The following KLF12 variants were observed in gnomAD, a reference collection of about 807,000 sequenced individuals.
The protein encoded by KLF12 is Krueppel-like factor 12.
In KLF12, 9 loss-of-function variants were observed where a neutral mutation model predicts 37.8. The observed-to-expected ratio is 0.24, with a 90% CI of 0.14 to 0.42. The LOEUF (loss-of-function observed/expected upper bound fraction) is 0.42, where lower values mean the gene tolerates loss of function less well. Ranked by LOEUF, KLF12 falls within the 10% of genes least tolerant of loss-of-function variation. KLF12 has a pLI of 1.00. For synonymous variants in KLF12, 208 were observed against 202.1 expected (o/e 1.03, Z -0.25); for missense variants, 411 against 516.0 (o/e 0.80, Z 1.97).
intron 7 of KLF12, among the ~76,000 whole-genome samples, chr13:73,709,342 A>T (rs1875187366): frequency 6.6e-6 from 1 of 152,190 alleles, no homozygotes; most frequent in Non-Finnish European, 1.5e-5. Context: ...CCCCTCCCAT[A>T]GCGTGCATGG....
chr13:74,214,802 A>G, the KLF12 span, among the ~76,000 whole-genome samples: 18 of 148,736 alleles, frequency 1.2e-4, no homozygotes, highest in East Asian at 2.4e-3. Context: ...TCCTTTAACC[A>G]TTTTTTTTTT....
chr13:74,057,352 C>T (rs943129273), intron 1 of KLF12, among the ~76,000 whole-genome samples: 2 of 152,202 alleles, frequency 1.3e-5, no homozygotes, highest in African/African-American at 2.4e-5. Flanking sequence ...GAAACCTCCA[C>T]CCCATCCCCA....
At position 73,819,969 on chromosome 13, in the gene KLF12, G is replaced by C. The variant is rs191164274; in HGVS notation, c.671-6682C>G. 3.6e-4 allele frequency among the ~76,000 whole-genome samples: 55 copies of C among 152,286 alleles called. 1 individual carries two copies. The highest frequency in any genetic ancestry group is 1.3e-3 in the African/African-American group (55 of 41,566). ...AAGCTGTGGCTGGAACCAATACAGG[G>C]AACTGGATGAGGACAGAGAGAGGAG... On this transcript the variant is annotated intron_variant, in intron 4 of 7. Transcript: ENST00000377669.
At chr13:73,772,736 C>T (rs898788878) in intron 5 of KLF12, among the ~76,000 whole-genome samples, 4 of 152,078 alleles carry the variant, frequency 2.6e-5, no homozygotes, top group South Asian at 2.1e-4. Context: ...CTGGCACAGT[C>T]GGATTTGTAT....
intron 3 of KLF12, among the ~76,000 whole-genome samples, chr13:73,887,731 A>T: frequency 6.6e-6 from 1 of 152,054 alleles, no homozygotes; most frequent in Non-Finnish European, 1.5e-5. Context: ...TTTACAAAAA[A>T]AACACACAAA....
chr13:74,191,366 A>G, the KLF12 span, among the ~76,000 whole-genome samples: 1 of 152,214 alleles, frequency 6.6e-6, no homozygotes, highest in African/African-American at 2.4e-5. Flanking sequence ...TAGCATCATA[A>G]GAATATAAAT....
chr13:74,123,475 T>C (rs1877757394), intron 1 of KLF12, among the ~76,000 whole-genome samples: 1 of 152,236 alleles, frequency 6.6e-6, no homozygotes, highest in Admixed American at 6.5e-5. Context: ...TTGATCTGCC[T>C]ACATTGTAGG....
At chr13:73,726,702 T>A (rs1469633513) in intron 6 of KLF12, among the ~76,000 whole-genome samples, 2 of 152,228 alleles carry the variant, frequency 1.3e-5, no homozygotes, top group African/African-American at 4.8e-5. Context: ...TGATGGACAT[T>A]TGGGTTGATT....
chr13:74,021,585 C>CT (rs897317330), intron 1 of KLF12, among the ~76,000 whole-genome samples: 28 of 152,106 alleles, frequency 1.8e-4, no homozygotes, highest in Non-Finnish European at 2.4e-4. Flanking sequence ...GCACACATCT[C>CT]TTTACAACCC....
chr13:74,042,859 C>T (rs142181823), intron 1 of KLF12, among the ~76,000 whole-genome samples: 8 of 152,292 alleles, frequency 5.3e-5, no homozygotes, highest in African/African-American at 1.9e-4. Flanking sequence ...ACAGACAGCA[C>T]AGTGAATCTC....
the KLF12 span, among the ~76,000 whole-genome samples, chr13:74,179,094 A>G: frequency 6.6e-6 from 1 of 152,170 alleles, no homozygotes. Flanking sequence ...TCCTTTGTGC[A>G]TGGTCCAAAT....
chr13:74,069,119 T>C (rs938844127), intron 1 of KLF12, among the ~76,000 whole-genome samples: 4 of 152,166 alleles, frequency 2.6e-5, no homozygotes, highest in Admixed American at 1.3e-4. Context: ...ATACTAAGCA[T>C]TGTAAGCAAA....
intron 1 of KLF12, among the ~76,000 whole-genome samples, chr13:74,052,881 C>G (rs146007054): frequency 1.3e-5 from 2 of 152,100 alleles, no homozygotes; most frequent in African/African-American, 4.8e-5. Context: ...CACTCCCTGG[C>G]TAGTAGGGTT....
At chr13:73,850,074 T>C (rs73216777) in intron 3 of KLF12, among the ~76,000 whole-genome samples, 31,709 of 152,078 alleles carry the variant, frequency 0.21, 4,112 homozygotes, top group East Asian at 0.42. Flanking sequence ...TATTAAATAA[T>C]TGCACAAATA....
chr13:73,712,325 C>T (rs911246864), intron 7 of KLF12, among the ~76,000 whole-genome samples: 5 of 120,346 alleles, frequency 4.2e-5, no homozygotes, highest in African/African-American at 1.7e-4. Context: ...GTAACAAGAG[C>T]GAAACTCCAT....
the KLF12 span, among the ~76,000 whole-genome samples, chr13:74,165,625 C>T: frequency 1.3e-5 from 2 of 152,078 alleles, no homozygotes; most frequent in African/African-American, 2.4e-5. Context: ...GCACTTGTTC[C>T]GTGGTTGCAA....
chr13:73,967,225 G>A (rs1891193816), intron 2 of KLF12, among the ~76,000 whole-genome samples: 1 of 152,144 alleles, frequency 6.6e-6, no homozygotes, highest in Non-Finnish European at 1.5e-5. Flanking sequence ...GTTTAACCAA[G>A]AATGATCCAT....
At chr13:74,129,051 A>T (rs909031335) in intron 1 of KLF12, among the ~76,000 whole-genome samples, 5 of 152,316 alleles carry the variant, frequency 3.3e-5, no homozygotes, top group Admixed American at 3.3e-4. Context: ...GTATGTAGTC[A>T]TTCTTCAGTA....
rs151096024 is a variant in KLF12, at chr13:74,027,200, C to A, written c.-31-32147G>T. On this transcript the variant is annotated intron_variant, in intron 1 of 7. Transcript: ENST00000377669. ...AAAAAACAACCTACCTTACAGCTTGCCTGAGAATTTGTGAAGAAATACGAA... is the reference window on the plus strand; with the variant it reads ...AAAAAACAACCTACCTTACAGCTTGACTGAGAATTTGTGAAGAAATACGAA... Among the ~76,000 whole-genome samples the A allele has an allele frequency of 4.4e-3, 664 of 152,246 alleles. 3 individuals carry two copies. The highest frequency in any genetic ancestry group is 0.013 in the African/African-American group (556 of 41,530).
Sources: gnomAD v4.1 joint callset for allele counts (sites outside exome capture counted in the v4.1 genomes callset) on GRCh38, gnomAD v4.1.1 for gene constraint, MANE v1.5 for transcripts, NCBI Gene and HGNC (gene_info 2026-07-23, HGNC 2026-07-21) for gene names.